Variants in PLD5 observed in about 807,000 individuals in gnomAD.
PLD5 encodes the protein inactive phospholipase D5.
In PLD5, 36 loss-of-function variants were observed where a neutral mutation model predicts 61.1. The observed-to-expected ratio is 0.59, with a 90% CI of 0.45 to 0.78. The LOEUF (loss-of-function observed/expected upper bound fraction) is 0.78. PLD5 is among the 30% of genes least tolerant of loss of function. The pLI, the probability that PLD5 is intolerant of heterozygous loss-of-function variation, is 0.00. For synonymous variants in PLD5, 243 were observed against 242.8 expected (o/e 1.00, Z -0.01); for missense variants, 515 against 644.4 (o/e 0.80, Z 2.17).
intron 4 of PLD5, among the ~76,000 whole-genome samples, chr1:242,249,164 C>T (rs2149078591): frequency 6.6e-6 from 1 of 152,228 alleles, no homozygotes; most frequent in South Asian, 2.1e-4. Context: ...GTATTGTTGG[C>T]CCCACTGTTG....
intron 4 of PLD5, among the ~76,000 whole-genome samples, chr1:242,252,355 T>G (rs1672751287): frequency 6.6e-6 from 1 of 152,160 alleles, no homozygotes; most frequent in African/African-American, 2.4e-5. Flanking sequence ...TACTCACTCA[T>G]GAGGATAATG....
At chr1:242,463,275 G>A (rs1229874222) in intron 1 of PLD5, among the ~76,000 whole-genome samples, 5 of 152,146 alleles carry the variant, frequency 3.3e-5, no homozygotes, top group Non-Finnish European at 5.9e-5. Context: ...ACACTCGCTT[G>A]TCCATGCTCT....
intron 4 of PLD5, among the ~76,000 whole-genome samples, chr1:242,224,846 T>G (rs1040599828): frequency 6.6e-6 from 1 of 152,192 alleles, no homozygotes; most frequent in African/African-American, 2.4e-5. Context: ...AGGTACAATT[T>G]ACTTGTAGTA....
intron 2 of PLD5, among the ~76,000 whole-genome samples, chr1:242,335,990 T>C (rs975087366): frequency 2.0e-5 from 3 of 152,186 alleles, no homozygotes; most frequent in African/African-American, 7.2e-5. Flanking sequence ...TTTTACTGAA[T>C]CCTCTATCAA....
At chr1:242,501,790 T>TTA (rs10648981) in intron 1 of PLD5, among the ~76,000 whole-genome samples, 1,826 of 147,170 alleles carry the variant, frequency 0.012, 16 homozygotes, top group African/African-American at 0.02. Context: ...TAATATTCCA[T>TTA]TATATATATA....
chr1:242,524,889 T>A (rs1407495252), upstream of PLD5, among the ~76,000 whole-genome samples: 3 of 151,642 alleles, frequency 2.0e-5, no homozygotes, highest in Non-Finnish European at 4.4e-5. Flanking sequence ...AGGCTACACC[T>A]CTCCCTGGCG....
At chr1:242,218,395 G>T (rs758720155) in intron 5 of PLD5, among the ~76,000 whole-genome samples, 4 of 152,198 alleles carry the variant, frequency 2.6e-5, no homozygotes, top group Non-Finnish European at 4.4e-5. Context: ...TTGCTTTATT[G>T]CAGTGGTCTG....
chr1:242,200,061 C>G (rs1450261513), intron 5 of PLD5, among the ~76,000 whole-genome samples: 10 of 152,134 alleles, frequency 6.6e-5, no homozygotes, highest in Admixed American at 1.3e-4. Context: ...GAACCATTCT[C>G]TAAAATGTTT....
chr1:242,396,627 CT>C (rs1553367276), intron 1 of PLD5, among the ~76,000 whole-genome samples: 1 of 149,684 alleles, frequency 6.7e-6, no homozygotes, highest in Non-Finnish European at 1.5e-5. Flanking sequence ...GAAAATTTGT[CT>C]TTAGTTGGAA....
chr1:242,376,489 A>C (rs1224387784), intron 1 of PLD5, among the ~76,000 whole-genome samples: 1 of 152,194 alleles, frequency 6.6e-6, no homozygotes, highest in African/African-American at 2.4e-5. Context: ...TAACAATTAA[A>C]AACACTAAAA....
intron 1 of PLD5, among the ~76,000 whole-genome samples, chr1:242,408,128 T>A (rs184470693): frequency 6.6e-6 from 1 of 152,320 alleles, no homozygotes; most frequent in East Asian, 1.9e-4. Context: ...TTTAAAAGCA[T>A]ACATTGTGTG....
intron 5 of PLD5, among the ~76,000 whole-genome samples, chr1:242,155,657 G>GT (rs1475686897): frequency 6.6e-6 from 1 of 152,134 alleles, no homozygotes; most frequent in Non-Finnish European, 1.5e-5. Context: ...TAATTGTGTG[G>GT]TTTTGAGTAA....
rs191066782 is a variant in PLD5, at chr1:242,357,507, C to T, written c.190-9265G>A. On this transcript the variant is annotated intron_variant, in intron 1 of 9. Transcript: ENST00000536534. ...ATTTTTTCTTTTTTTTTTTTTGAGA[C>T]GGAATTTTGCTCTTGTTGCCCAGGC... 2.7e-3 allele frequency among the ~76,000 whole-genome samples: 393 copies of T among 144,602 alleles called. 4 individuals are homozygous for T. Among genetic ancestry groups the T allele is most frequent in the Non-Finnish European group, 2.4e-3 (157 of 66,722 alleles). 94.9% of individuals were successfully genotyped at this position (144,602 alleles called of 152,430 possible). A position where few individuals can be genotyped will look rare whatever the true frequency, so the allele number is the denominator to read the frequency against.
intron 1 of PLD5, among the ~76,000 whole-genome samples, chr1:242,453,690 G>A (rs148340323): frequency 6.6e-6 from 1 of 152,212 alleles, no homozygotes; most frequent in East Asian, 1.9e-4. Flanking sequence ...CACAATGTAG[G>A]GCTCCCCTTT....
chr1:242,297,252 G>C (rs1195603185), intron 2 of PLD5, among the ~76,000 whole-genome samples: 1 of 147,648 alleles, frequency 6.8e-6, no homozygotes, highest in Non-Finnish European at 1.5e-5. Flanking sequence ...GCTGAGGCAG[G>C]AAAATTGCTT....
At chr1:242,264,638 G>C (rs1045987470) in intron 4 of PLD5, among the ~76,000 whole-genome samples, 1 of 152,080 alleles carries the variant, frequency 6.6e-6, no homozygotes, top group Non-Finnish European at 1.5e-5. Context: ...CCTCTTCTAG[G>C]GACGTCCGGC....
At chr1:242,147,025 T>C (rs76842194) in intron 5 of PLD5, among the ~76,000 whole-genome samples, 7 of 152,278 alleles carry the variant, frequency 4.6e-5, no homozygotes, top group African/African-American at 7.2e-5. Flanking sequence ...TATATTGAGG[T>C]ACAATTGACA....
At chr1:242,432,110 A>G (rs1665753726) in intron 1 of PLD5, among the ~76,000 whole-genome samples, 2 of 152,232 alleles carry the variant, frequency 1.3e-5, no homozygotes, top group Admixed American at 1.3e-4. Context: ...TGTTCTAATT[A>G]GTGCTGCATT....
At position 242,085,501 on chromosome 1, in the gene PLD5, AT is replaced by A. The variant is rs1558200320; in HGVS notation, c.*4352del. ...CAAAAGCCTCCGTCCATTTAAGTCA[AT>A]AAGGTGAAAATGGTAAGCAGCTATT... is the stretch of plus-strand genomic sequence containing the variant. On this transcript the variant is annotated 3_prime_UTR_variant, in exon 10 of 10. Coordinates refer to ENST00000536534, the MANE Select transcript of PLD5 (RefSeq NM_001372062.1). 2.0e-5 allele frequency: 3 copies of A among 152,360 alleles called. No individual in the cohort carries two copies. The East Asian group carries it at 5.8e-4, about 29-fold the overall frequency. 9.4% of individuals were successfully genotyped at this position (152,360 alleles called of 1,614,324 possible).
Sources: allele counts gnomAD v4.1 joint callset (sites outside exome capture counted in the v4.1 genomes callset), GRCh38; gene constraint gnomAD v4.1.1; transcripts MANE v1.5; gene names NCBI Gene and HGNC (gene_info 2026-07-23, HGNC 2026-07-21).